The following PLCB1 variants were observed in gnomAD, a reference collection of about 807,000 sequenced individuals.
The protein encoded by PLCB1 is phospholipase C beta 1, also known as 1-phosphatidylinositol 4,5-bisphosphate phosphodiesterase beta-1.
PLCB1 carries 46 observed loss-of-function variants against 161.8 expected under a neutral mutation model. The observed-to-expected ratio is 0.28, with a 90% CI of 0.22 to 0.36. The LOEUF is 0.36. PLCB1 is among the 10% of genes least tolerant of loss of function. The probability of loss-of-function intolerance (pLI) is 1.00; values close to 1 mark genes in which losing one functional copy is unlikely to be tolerated. For missense variants in PLCB1, 1,016 were observed against 1,472.5 expected (o/e 0.69, Z 5.07); for synonymous variants, 517 against 503.7 (o/e 1.03, Z -0.35).
chr20:8,502,963 C>G (rs1478023487), intron 3 of PLCB1, among the ~76,000 whole-genome samples: 3 of 152,146 alleles, frequency 2.0e-5, no homozygotes, highest in African/African-American at 7.2e-5. Context: ...AGTCACCTCT[C>G]TTCATCAATC....
At chr20:8,847,643 G>C (rs1228198428) in intron 31 of PLCB1, among the ~76,000 whole-genome samples, 1 of 152,156 alleles carries the variant, frequency 6.6e-6, no homozygotes, top group African/African-American at 2.4e-5. Context: ...CCCCACTTCA[G>C]GTGCCAGTTG....
At chr20:8,363,105 C>A (rs543260843) in intron 2 of PLCB1, among the ~76,000 whole-genome samples, 1 of 152,092 alleles carries the variant, frequency 6.6e-6, no homozygotes, top group African/African-American at 2.4e-5. Context: ...TGCCAAGATA[C>A]GTAAATTCAT....
At chr20:8,693,709 A>T (rs1341188964) in intron 10 of PLCB1, among the ~76,000 whole-genome samples, 1 of 152,212 alleles carries the variant, frequency 6.6e-6, no homozygotes, top group East Asian at 1.9e-4. Flanking sequence ...AAGATGAAAA[A>T]TTCTTCAGAA....
chr20:8,259,217 A>C (rs1370756181), intron 2 of PLCB1, among the ~76,000 whole-genome samples: 1 of 152,188 alleles, frequency 6.6e-6, no homozygotes, highest in African/African-American at 2.4e-5. Context: ...CCATTTAATT[A>C]TGTTCTTACT....
chr20:8,519,454 C>A (rs1261240408), intron 3 of PLCB1, among the ~76,000 whole-genome samples: 1 of 152,042 alleles, frequency 6.6e-6, no homozygotes, highest in African/African-American at 2.4e-5. Context: ...GTACAAAATA[C>A]AAAACGAAAC....
chr20:8,561,072 G>A lies in PLCB1; in HGVS notation c.247-67222G>A, dbSNP rs74933739. 3.5e-3 allele frequency among the ~76,000 whole-genome samples: 535 copies of A among 151,942 alleles called. 4 individuals are homozygous for A. The highest frequency in any genetic ancestry group is 0.012 in the African/African-American group (515 of 41,492). On this transcript the variant is annotated intron_variant, in intron 3 of 31. Transcript: ENST00000338037. ...CGAGGAATCAAAGTCCTATCTAGAA[G>A]CCAGATGATGGGAAAATGGCCACAG...
chr20:8,489,627 A>G (rs1253469901), intron 3 of PLCB1, among the ~76,000 whole-genome samples: 2 of 152,204 alleles, frequency 1.3e-5, no homozygotes, highest in African/African-American at 4.8e-5. Flanking sequence ...GGTAGAAATC[A>G]TAACTGCCTC....
chr20:8,794,640 A>T (rs1352260190), intron 31 of PLCB1, among the ~76,000 whole-genome samples: 2 of 152,188 alleles, frequency 1.3e-5, no homozygotes, highest in Non-Finnish European at 2.9e-5. Context: ...CTAATGTAAT[A>T]GTGTGTTTCA....
chr20:8,150,034 A>C (rs2051493758), intron 1 of PLCB1, among the ~76,000 whole-genome samples: 1 of 152,138 alleles, frequency 6.6e-6, no homozygotes, highest in African/African-American at 2.4e-5. Context: ...TTTTAATAGA[A>C]AACATACCTT....
At chr20:8,390,250 C>T (rs763998224) in intron 3 of PLCB1, among the ~76,000 whole-genome samples, 1 of 152,276 alleles carries the variant, frequency 6.6e-6, no homozygotes, top group East Asian at 1.9e-4. Context: ...GGAGGCCTTT[C>T]TCCTCGGCTT....
chr20:8,460,810 T>G (rs1168463863), intron 3 of PLCB1, among the ~76,000 whole-genome samples: 2 of 152,198 alleles, frequency 1.3e-5, no homozygotes, highest in African/African-American at 4.8e-5. Context: ...CTGGGGACTC[T>G]TACTACCATT....
At chr20:8,634,283 T>A (rs1472178397) in intron 4 of PLCB1, among the ~76,000 whole-genome samples, 1 of 152,232 alleles carries the variant, frequency 6.6e-6, no homozygotes, top group Non-Finnish European at 1.5e-5. Context: ...AGAAATGCGC[T>A]CTCTAAAAAT....
At chr20:8,412,414 T>C (rs1416333758) in intron 3 of PLCB1, among the ~76,000 whole-genome samples, 1 of 152,200 alleles carries the variant, frequency 6.6e-6, no homozygotes, top group Admixed American at 6.5e-5. Flanking sequence ...AGAACAATTA[T>C]CACATCCACT....
At position 8,458,601 on chromosome 20, in the gene PLCB1, G is replaced by A. The variant is rs1251340763; in HGVS notation, c.246+87151G>A. On this transcript the variant is annotated intron_variant, in intron 3 of 31. Transcript: ENST00000338037. ...CTATGCTACATCAACGTCCTTAGAT[G>A]AAACAGAGACTTGGGGGCATATATT... Among the ~76,000 whole-genome samples, 3 of 152,238 alleles carry A rather than the reference G, an allele frequency of 2.0e-5. No homozygotes were observed. The East Asian group carries it at 5.8e-4, about 29-fold the overall frequency.
chr20:8,767,629 A>T (rs982824670), intron 26 of PLCB1, among the ~76,000 whole-genome samples: 2 of 152,126 alleles, frequency 1.3e-5, no homozygotes, highest in African/African-American at 4.8e-5. Flanking sequence ...CCGCTCTCAG[A>T]ACCCCACATG....
chr20:8,847,462 G>A (rs533741765), intron 31 of PLCB1, among the ~76,000 whole-genome samples: 1 of 152,260 alleles, frequency 6.6e-6, no homozygotes, highest in East Asian at 1.9e-4. Context: ...AGAGGAAGAG[G>A]GCCTAAAAAG....
chr20:8,221,955 T>C (rs1446547305), intron 2 of PLCB1, among the ~76,000 whole-genome samples: 1 of 152,164 alleles, frequency 6.6e-6, no homozygotes, highest in Non-Finnish European at 1.5e-5. Context: ...CCAAGAACTT[T>C]TAGTAAATGT....
chr20:8,716,921 C>G (rs1284290048), intron 13 of PLCB1, among the ~76,000 whole-genome samples: 3 of 152,176 alleles, frequency 2.0e-5, no homozygotes, highest in African/African-American at 4.8e-5. Flanking sequence ...GAGTTTATAC[C>G]AGTCCCTCCG....
rs550687532 is a variant in PLCB1, at chr20:8,865,258, G to A, written c.3424-16364G>A. ...AGCTCTTTCTTTCTCATAGTTATAA[G>A]GTAGTTATAAAGTACTCAAGATTTA... On this transcript the variant is annotated intron_variant, in intron 31 of 31. Transcript: ENST00000338037. Among the ~76,000 whole-genome samples the A allele has an allele frequency of 7.2e-5, 11 of 152,158 alleles. No individual in the cohort carries two copies. The East Asian group carries it at 1.9e-3, about 27-fold the overall frequency.
Sources: allele counts gnomAD v4.1 joint callset (sites outside exome capture counted in the v4.1 genomes callset), GRCh38; gene constraint gnomAD v4.1.1; transcripts MANE v1.5; gene names NCBI Gene and HGNC (gene_info 2026-07-23, HGNC 2026-07-21).